ZP3: variants seen among roughly 807,000 people sequenced by gnomAD.
The protein encoded by ZP3 is zona pellucida glycoprotein 3, also known as zona pellucida sperm-binding protein 3.
ZP3 carries 21 observed loss-of-function variants against 35.6 expected under a neutral mutation model. The ratio of observed to expected loss-of-function variants is 0.59; its 90% confidence interval spans 0.42 to 0.85. The LOEUF (loss-of-function observed/expected upper bound fraction) is 0.85, where lower values mean the gene tolerates loss of function less well. Among genes scored for constraint, ZP3 ranks in the 40% least tolerant of loss-of-function variants. The probability of loss-of-function intolerance (pLI) is 0.00; values close to 1 mark genes in which losing one functional copy is unlikely to be tolerated. For synonymous variants in ZP3, 207 were observed against 214.5 expected (o/e 0.96, Z 0.31); for missense variants, 437 against 536.5 (o/e 0.81, Z 1.83).
chr7:76,433,133 G>GGTTTTT, intron 3 of ZP3, 103 bp downstream of exon 3: 1 of 472,892 alleles, frequency 2.1e-6, no homozygotes, highest in Non-Finnish European at 3.8e-6. Context: ...TTTTGGTTTT[G>GGTTTTT]GTTGGTTTTG....
At chr7:76,410,999 G>GAA (rs977138723) in intron 1 of ZP3, among the ~76,000 whole-genome samples, 2 of 80,284 alleles carry the variant, frequency 2.5e-5, no homozygotes, top group Admixed American at 1.3e-4. Context: ...CATCTCAAAA[G>GAA]AAAAAAAAAA....
upstream of ZP3, among the ~76,000 whole-genome samples, chr7:76,423,079 G>GAAAGAAAGAAAGA (rs1805563080): frequency 1.4e-5 from 2 of 138,506 alleles, no homozygotes; most frequent in African/African-American, 2.8e-5. Flanking sequence ...AAGAAAGAAA[G>GAAAGAAAGAAAGA]AAAGAAAAGA....
chr7:76,425,262 G>T lies in ZP3; in HGVS notation c.298G>T (p.Gly100Cys), dbSNP rs777493256. ...VRFEVGLHECGNSMQVTDDAL... is the reference protein window; with the variant it reads ...VRFEVGLHECCNSMQVTDDAL... Reference sequence around the variant, plus strand: ...GTTTGAGGTTGGACTCCACGAGTGTGGCAACAGCATGCAGGTAAGAGAGGC... The same window carrying T: ...GTTTGAGGTTGGACTCCACGAGTGTTGCAACAGCATGCAGGTAAGAGAGGC... The change falls in exon 1 of 8, where the codon GGC becomes TGC. Residue 100 changes from glycine to cysteine, a missense_variant. Coordinates refer to ENST00000394857, the MANE Select transcript of ZP3 (RefSeq NM_001110354.2). The T allele has an allele frequency of 6.2e-7, 1 of 1,607,606 alleles. No homozygotes were observed. The highest frequency in any genetic ancestry group is 1.1e-5 in the South Asian group (1 of 90,974).
intron 5 of ZP3, among the ~76,000 whole-genome samples, chr7:76,435,106 G>A (rs1281777143): frequency 2.0e-5 from 3 of 152,140 alleles, no homozygotes; most frequent in Admixed American, 6.6e-5. Flanking sequence ...CAGCACTTTG[G>A]GAGGCTGAGG....
intron 1 of ZP3, among the ~76,000 whole-genome samples, chr7:76,417,637 A>G (rs1440908985): frequency 1.3e-5 from 2 of 149,410 alleles, no homozygotes; most frequent in East Asian, 2.0e-4. Flanking sequence ...TCGAGACAAG[A>G]TCTCACTCTT....
chr7:76,433,124 T>TTTGGTTGTGG, intron 3 of ZP3, 94 bp downstream of exon 3: 1 of 672,476 alleles, frequency 1.5e-6, no homozygotes, highest in Non-Finnish European at 2.5e-6. Context: ...TTTGTTTGGT[T>TTTGGTTGTGG]TTGGTTTTGG....
chr7:76,431,782 C>A (rs1805831835), intron 2 of ZP3, among the ~76,000 whole-genome samples: 1 of 152,036 alleles, frequency 6.6e-6, no homozygotes. Flanking sequence ...GCCTGTAGTC[C>A]CAGCTATTTG....
At chr7:76,402,032 C>T (rs6961135) in intron 1 of ZP3, among the ~76,000 whole-genome samples, 77,832 of 151,626 alleles carry the variant, frequency 0.51, 20,827 homozygotes, top group African/African-American at 0.64. Flanking sequence ...TCTTCTTCTT[C>T]TTTTTAAGAC....
At chr7:76,424,948 G>A, upstream of ZP3, 2 of 1,505,912 alleles carry the variant, frequency 1.3e-6, no homozygotes, top group South Asian at 1.2e-5. Flanking sequence ...GCGGCTGCCT[G>A]CTGCTCTGCA....
At chr7:76,418,509 C>A (rs1036563097) in intron 1 of ZP3, among the ~76,000 whole-genome samples, 1 of 146,852 alleles carries the variant, frequency 6.8e-6, no homozygotes, top group Non-Finnish European at 1.5e-5. Context: ...CAGGATAGCA[C>A]CACTGTACTC....
At chr7:76,418,832 G>T (rs1300144877) in intron 1 of ZP3, among the ~76,000 whole-genome samples, 1 of 152,136 alleles carries the variant, frequency 6.6e-6, no homozygotes, top group Non-Finnish European at 1.5e-5. Flanking sequence ...CTCCAGCCTG[G>T]GCCACAGAGG....
chr7:76,427,584 G>A (rs1377272734), intron 1 of ZP3, among the ~76,000 whole-genome samples: 2 of 151,990 alleles, frequency 1.3e-5, no homozygotes, highest in Non-Finnish European at 2.9e-5. Flanking sequence ...AGTTCTGTGG[G>A]GCCCAGTGCT....
chr7:76,419,930 T>G (rs1221095909), intron 1 of ZP3, among the ~76,000 whole-genome samples: 2 of 151,850 alleles, frequency 1.3e-5, no homozygotes, highest in Non-Finnish European at 2.9e-5. Context: ...GCCTCCCCAG[T>G]AGCTGGGATT....
intron 1 of ZP3, among the ~76,000 whole-genome samples, chr7:76,411,214 C>G (rs1805235934): frequency 6.6e-6 from 1 of 151,962 alleles, no homozygotes; most frequent in Non-Finnish European, 1.5e-5. Flanking sequence ...CTTCCATGTT[C>G]AGCTGCTCCT....
At chr7:76,400,606 G>A in intron 1 of ZP3, 1 of 1,441,602 alleles carries the variant, frequency 6.9e-7, no homozygotes, top group South Asian at 1.5e-5. Flanking sequence ...GAAGAGGGTG[G>A]AGCTGGCACC....
At chr7:76,405,507 G>T (rs2115809986) in intron 1 of ZP3, among the ~76,000 whole-genome samples, 1 of 150,448 alleles carries the variant, frequency 6.6e-6, no homozygotes, top group Admixed American at 6.7e-5. Flanking sequence ...TATGAGTCGG[G>T]TATGGTGACA....
chr7:76,441,740 A>G, intron 7 of ZP3, 102 bp from the exon 8 acceptor site: 1 of 1,107,796 alleles, frequency 9.0e-7, no homozygotes, highest in Non-Finnish European at 1.4e-6. Flanking sequence ...CACACAAAAA[A>G]GACAACATAT....
intron 1 of ZP3, among the ~76,000 whole-genome samples, chr7:76,426,831 G>C (rs1271404519): frequency 7.0e-6 from 1 of 143,086 alleles, no homozygotes; most frequent in African/African-American, 2.6e-5. Flanking sequence ...GGAGTTTAAG[G>C]CCACCCTGGG....
At chr7:76,436,978 T>G (rs1491002040) in intron 5 of ZP3, among the ~76,000 whole-genome samples, 2 of 151,584 alleles carry the variant, frequency 1.3e-5, no homozygotes, top group Non-Finnish European at 2.9e-5. Context: ...TGATGATGCC[T>G]CAGTAGACTA....
Sources: gnomAD v4.1 joint callset for allele counts (sites outside exome capture counted in the v4.1 genomes callset) on GRCh38, gnomAD v4.1.1 for gene constraint, MANE v1.5 for transcripts, NCBI Gene and HGNC (gene_info 2026-07-23, HGNC 2026-07-21) for gene names.